Variants in GNG2 observed in about 807,000 individuals in gnomAD.
The protein encoded by GNG2 is G protein subunit gamma 2, also known as guanine nucleotide-binding protein G(I)/G(S)/G(O) subunit gamma-2.
GNG2 carries 5 observed loss-of-function variants against 5.5 expected under a neutral mutation model. That is an observed-to-expected ratio of 0.91 (90% CI 0.48 to 1.92). GNG2 has a LOEUF of 1.92. Ranked by LOEUF, GNG2 falls within the 30% of genes most tolerant of loss-of-function variation. The pLI, the probability that GNG2 is intolerant of heterozygous loss-of-function variation, is 0.01. For missense variants in GNG2, 55 were observed against 88.4 expected (o/e 0.62, Z 1.52); for synonymous variants, 28 against 32.0 (o/e 0.88, Z 0.42).
chr14:51,832,646 C>T (rs1045589373), intron 2 of GNG2, among the ~76,000 whole-genome samples: 3 of 152,202 alleles, frequency 2.0e-5, no homozygotes, highest in African/African-American at 7.2e-5. Context: ...TGAGGGTTCT[C>T]TTTCTGGATT....
intron 2 of GNG2, among the ~76,000 whole-genome samples, chr14:51,881,288 A>C (rs1005185168): frequency 3.3e-5 from 5 of 152,224 alleles, no homozygotes; most frequent in Non-Finnish European, 5.9e-5. Flanking sequence ...AGACTGTTCA[A>C]GAAGAGGTAA....
At chr14:51,908,462 T>C (rs1166324766) in intron 2 of GNG2, among the ~76,000 whole-genome samples, 1 of 152,150 alleles carries the variant, frequency 6.6e-6, no homozygotes, top group Non-Finnish European at 1.5e-5. Flanking sequence ...TTCTTTTAAG[T>C]CTGGTGCTAT....
At chr14:51,923,148 T>A (rs1362218044) in intron 2 of GNG2, among the ~76,000 whole-genome samples, 1 of 152,194 alleles carries the variant, frequency 6.6e-6, no homozygotes, top group Non-Finnish European at 1.5e-5. Flanking sequence ...GGAGCCTGTC[T>A]AAGGCTTTTT....
chr14:51,931,166 T>A (rs1887638499), intron 2 of GNG2, among the ~76,000 whole-genome samples: 1 of 151,990 alleles, frequency 6.6e-6, no homozygotes, highest in East Asian at 1.9e-4. Context: ...GCCAGGCTAG[T>A]GTGATAGCAG....
In GNG2 at chr14:51,928,747, C is replaced by T. The variant is rs769957247; in HGVS notation, c.-29-21903C>T. Among the ~76,000 whole-genome samples the T allele has an allele frequency of 3.3e-5, 5 of 152,218 alleles. No individual in the cohort carries two copies. The East Asian group carries it at 5.8e-4, about 18-fold the overall frequency. On this transcript the variant is annotated intron_variant, in intron 2 of 3. Transcript: ENST00000556766. ...AATCACTTTTGGCTCCGGGTACATA[C>T]GGCTTATATTTATGACTAATGCCTG...
intron 3 of GNG2, among the ~76,000 whole-genome samples, chr14:51,958,788 A>G (rs17124780): frequency 0.36 from 55,164 of 151,924 alleles, 10,410 homozygotes; most frequent in Non-Finnish European, 0.39. Context: ...CTGAGCTAAT[A>G]TAAAATCCTA....
At chr14:51,868,776 T>A (rs1883103980) in intron 1 of GNG2, among the ~76,000 whole-genome samples, 1 of 152,212 alleles carries the variant, frequency 6.6e-6, no homozygotes, top group East Asian at 1.9e-4. Flanking sequence ...TCGATAAACT[T>A]TGTAGACTCC....
At chr14:51,827,933 G>C in intron 2 of GNG2, 1 of 594,016 alleles carries the variant, frequency 1.7e-6, no homozygotes, top group East Asian at 2.9e-5. Flanking sequence ...GGAGGACTCA[G>C]GAGGGAGCAT....
intron 3 of GNG2, among the ~76,000 whole-genome samples, chr14:51,956,184 T>C (rs564470324): frequency 2.0e-5 from 3 of 152,336 alleles, no homozygotes; most frequent in Admixed American, 6.5e-5. Context: ...CTTTAAAATA[T>C]CCTTTGCAAT....
At chr14:51,931,060 T>C (rs1594930117) in intron 2 of GNG2, among the ~76,000 whole-genome samples, 1 of 152,006 alleles carries the variant, frequency 6.6e-6, no homozygotes, top group Non-Finnish European at 1.5e-5. Context: ...ATCATGCCAG[T>C]GCACTCCAAC....
intron 2 of GNG2, among the ~76,000 whole-genome samples, chr14:51,836,069 G>T (rs1048169578): frequency 6.6e-6 from 1 of 151,556 alleles, no homozygotes; most frequent in Admixed American, 6.6e-5. Context: ...CAGATCTAGT[G>T]TTTGGTTCGG....
In GNG2 at chr14:51,906,905, G is replaced by A. The variant is rs1286465092; in HGVS notation, c.-30+29248G>A. ...CGAGTAGCTGGGACTACAGGTGCCC[G>A]CCACCACACCCGGCTAATTTTTTGT... On this transcript the variant is annotated intron_variant, in intron 2 of 3. Coordinates refer to ENST00000556766, the MANE Select transcript of GNG2 (RefSeq NM_053064.5). Among the ~76,000 whole-genome samples the A allele has an allele frequency of 4.0e-5, 6 of 151,796 alleles. No homozygotes were observed. In the East Asian group the frequency reaches 1.2e-3, roughly 29 times the overall value.
chr14:51,901,963 T>TA lies in GNG2; in HGVS notation c.-30+24335dup, dbSNP rs34308582. 3.2e-3 allele frequency among the ~76,000 whole-genome samples: 179 copies of TA among 56,448 alleles called. 5 individuals are homozygous for TA. Among genetic ancestry groups the TA allele is most frequent in the African/African-American group, 9.8e-3 (148 of 15,062 alleles). The allele number at this position is 56,448 out of a possible 152,430, so 37.0% of individuals were successfully genotyped here. ...CAACTAAGATCACAATAACAATCTG[T>TA]AAAAAAAAAAAAAAAAAAAAAAAAA... On this transcript the variant is annotated intron_variant, in intron 2 of 3. Coordinates refer to ENST00000556766, the MANE Select transcript of GNG2 (RefSeq NM_053064.5).
rs61013183 is a variant in GNG2 at position 51,966,231 on chromosome 14, A to AAAAAAAAAG, written c.88-322_88-321insAAGAAAAAA. ...TCTCAAAAAAAAAAAAAAAAAAAAAAAAAAAACAAATGAAGGAGACAGCCA... is the reference window on the plus strand; with the variant it reads ...TCTCAAAAAAAAAAAAAAAAAAAAAAAAAAAAAAGAAAAAACAAATGAAGGAGACAGCCA... On this transcript the variant is annotated intron_variant, in intron 3 of 3. Transcript: ENST00000556766. 7.7e-4 allele frequency among the ~76,000 whole-genome samples: 83 copies of AAAAAAAAAG among 108,488 alleles called. 2 individuals are homozygous for AAAAAAAAAG. The highest frequency in any genetic ancestry group is 1.1e-3 in the Non-Finnish European group (54 of 50,200). 71.2% of individuals were successfully genotyped at this position (108,488 alleles called of 152,430 possible).
intron 3 of GNG2, among the ~76,000 whole-genome samples, chr14:51,958,443 C>CA (rs1199326647): frequency 7.0e-6 from 1 of 142,424 alleles, no homozygotes; most frequent in African/African-American, 2.5e-5. Context: ...TTCCGTTCCC[C>CA]CCCCCCATTT....
rs570672024 is a variant in GNG2 at position 51,841,103 on chromosome 14, G to A, written c.64+13296G>A. On this transcript the variant is annotated intron_variant, in intron 2 of 3. Transcript: ENST00000553432. The stretch of plus-strand genomic sequence containing the variant: ...GTCAGTTTAGCAAGTAAGAAGATGG[G>A]TAGTTATTTATACATAGGTCCATAA... Among the ~76,000 whole-genome samples the A allele has an allele frequency of 3.9e-5, 6 of 152,296 alleles. No homozygotes were observed. The East Asian group carries it at 5.8e-4, about 15-fold the overall frequency.
At chr14:51,894,197 C>T (rs1281596852) in intron 2 of GNG2, among the ~76,000 whole-genome samples, 1 of 151,952 alleles carries the variant, frequency 6.6e-6, no homozygotes, top group South Asian at 2.1e-4. Context: ...TTATATTTTG[C>T]GGTTTCCATC....
intron 2 of GNG2, among the ~76,000 whole-genome samples, chr14:51,923,567 TAC>T (rs142081387): frequency 0.33 from 49,210 of 149,972 alleles, 8,929 homozygotes; most frequent in Non-Finnish European, 0.41. Context: ...AAACACACAA[TAC>T]ACACACACAC....
chr14:51,954,432 C>T (rs1200374972), intron 3 of GNG2, among the ~76,000 whole-genome samples: 1 of 152,142 alleles, frequency 6.6e-6, no homozygotes, highest in Admixed American at 6.5e-5. Context: ...AAACCTTGTC[C>T]TTAGAGCACA....
Sources: allele counts gnomAD v4.1 joint callset (sites outside exome capture counted in the v4.1 genomes callset), GRCh38; gene constraint gnomAD v4.1.1; transcripts MANE v1.5; gene names NCBI Gene and HGNC (gene_info 2026-07-23, HGNC 2026-07-21).